SLC35F3: variants seen among roughly 807,000 people sequenced by gnomAD.
SLC35F3 encodes putative thiamine transporter SLC35F3.
SLC35F3 carries 25 observed loss-of-function variants against 49.9 expected under a neutral mutation model. The observed-to-expected ratio is 0.50, with a 90% CI of 0.37 to 0.70. The LOEUF (loss-of-function observed/expected upper bound fraction) is 0.70. SLC35F3 is among the 30% of genes least tolerant of loss of function. The pLI is 0.00. For missense variants in SLC35F3, 525 were observed against 639.8 expected, an observed-to-expected ratio of 0.82 and a Z score of 1.94; for synonymous variants, 275 against 265.4, an observed-to-expected ratio of 1.04 and a Z score of -0.35.
intron 3 of SLC35F3, among the ~76,000 whole-genome samples, chr1:234,276,753 T>C (rs1262671900): frequency 6.6e-6 from 1 of 152,224 alleles, no homozygotes; most frequent in African/African-American, 2.4e-5. Flanking sequence ...GCTTTATAAA[T>C]GGCTTGCAGG....
intron 2 of SLC35F3, among the ~76,000 whole-genome samples, chr1:234,076,326 G>A (rs1664791160): frequency 1.2e-5 from 1 of 83,978 alleles, no homozygotes; most frequent in Non-Finnish European, 3.3e-5. Context: ...AGCTGGGTGT[G>A]GTGGCTCATG....
At chr1:234,067,416 C>CT (rs2102865801) in intron 2 of SLC35F3, among the ~76,000 whole-genome samples, 1 of 152,284 alleles carries the variant, frequency 6.6e-6, no homozygotes, top group African/African-American at 2.4e-5. Flanking sequence ...TCCGTGGTCT[C>CT]TGAGCAAGGG....
intron 3 of SLC35F3, among the ~76,000 whole-genome samples, chr1:234,247,891 G>GTTGTTTGGTGGGTTGGTTGGTTGGTCCA (rs1558272743): frequency 3.4e-4 from 4 of 11,794 alleles, no homozygotes; most frequent in African/African-American, 1.2e-3. Flanking sequence ...TGGCTGGTCC[G>GTTGTTTGGTGGGTTGGTTGGTTGGTCCA]TTGTTTGGTG....
chr1:233,937,238 A>C (rs1482890510), intron 2 of SLC35F3, among the ~76,000 whole-genome samples: 1 of 152,236 alleles, frequency 6.6e-6, no homozygotes, highest in African/African-American at 2.4e-5. Context: ...TCATGTGAGA[A>C]CCTAGATTTT....
intron 5 of SLC35F3, among the ~76,000 whole-genome samples, chr1:234,318,449 G>A (rs1001237092): frequency 6.6e-6 from 1 of 152,162 alleles, no homozygotes; most frequent in African/African-American, 2.4e-5. Context: ...GCGTAATCAT[G>A]GCAGATGTTT....
intron 2 of SLC35F3, among the ~76,000 whole-genome samples, chr1:233,960,822 T>C (rs1474843583): frequency 6.6e-6 from 1 of 152,076 alleles, no homozygotes; most frequent in Non-Finnish European, 1.5e-5. Flanking sequence ...AGCTGTAAGT[T>C]CTTTCGACCT....
At chr1:234,154,090 G>T (rs1355688722) in intron 2 of SLC35F3, among the ~76,000 whole-genome samples, 1 of 151,904 alleles carries the variant, frequency 6.6e-6, no homozygotes, top group Admixed American at 6.6e-5. Flanking sequence ...CAAAAAACTA[G>T]CTGGGTGGGG....
Position 234,214,372 on chromosome 1 carries a change from G to A in SLC35F3, c.284-17045G>A. Reference sequence around the variant, plus strand: ...CAGCCGGGGAGGCCGGGACTGAGAGGGGCGAGCCGCTGGTGCTCCCCGGCG... The same window carrying A: ...CAGCCGGGGAGGCCGGGACTGAGAGAGGCGAGCCGCTGGTGCTCCCCGGCG... On this transcript the variant is annotated intron_variant, in intron 2 of 7. Transcript: ENST00000366618. The surrounding 1 kb of genome is among the most constrained non-coding windows in gnomAD (Gnocchi z 8.0). 7.4e-7 allele frequency: 1 copy of A among 1,355,586 alleles called. No individual in the cohort carries two copies. The highest frequency in any genetic ancestry group is 9.5e-7 in the Non-Finnish European group (1 of 1,054,596). The allele number at this position is 1,355,586 out of a possible 1,614,324, so 84.0% of individuals were successfully genotyped here. A position where few individuals can be genotyped will look rare whatever the true frequency, so the allele number is the denominator to read the frequency against.
intron 2 of SLC35F3, among the ~76,000 whole-genome samples, chr1:233,976,378 C>T (rs545923568): frequency 2.6e-5 from 4 of 152,210 alleles, no homozygotes; most frequent in South Asian, 2.1e-4. Flanking sequence ...TGCAGGCTTA[C>T]GCAAAAGTAG....
At chr1:233,989,293 A>G (rs1433191949) in intron 2 of SLC35F3, among the ~76,000 whole-genome samples, 1 of 152,244 alleles carries the variant, frequency 6.6e-6, no homozygotes, top group East Asian at 1.9e-4. Flanking sequence ...ACTAAGCTTT[A>G]TAATGACAGA....
chr1:233,915,775 A>AAG (rs200598948), intron 2 of SLC35F3, among the ~76,000 whole-genome samples: 1 of 152,082 alleles, frequency 6.6e-6, no homozygotes, highest in South Asian at 2.1e-4. Context: ...GCTGCAGGCA[A>AAG]AGAGAGAGAG....
chr1:234,102,322 T>G (rs1665225901), intron 2 of SLC35F3, among the ~76,000 whole-genome samples: 1 of 152,148 alleles, frequency 6.6e-6, no homozygotes. Context: ...TTGTTTGGAA[T>G]GGTTTTTTGG....
intron 2 of SLC35F3, among the ~76,000 whole-genome samples, chr1:234,032,020 A>G (rs1201614716): frequency 3.3e-5 from 5 of 152,138 alleles, no homozygotes; most frequent in East Asian, 3.8e-4. Flanking sequence ...CCTGAAGGCA[A>G]CCTGTTTTAG....
intron 3 of SLC35F3, among the ~76,000 whole-genome samples, chr1:234,270,815 C>A (rs114345293): frequency 6.6e-6 from 1 of 152,210 alleles, no homozygotes; most frequent in Non-Finnish European, 1.5e-5. Flanking sequence ...GCCTGCCTGA[C>A]GCAGGGCTTG....
chr1:233,951,743 T>C (rs1197089224), intron 2 of SLC35F3, among the ~76,000 whole-genome samples: 1 of 152,096 alleles, frequency 6.6e-6, no homozygotes, highest in Non-Finnish European at 1.5e-5. Flanking sequence ...TGTTTTGTTT[T>C]GTTTTTTTGT....
At chr1:234,223,414 C>A (rs1363472349) in intron 2 of SLC35F3, among the ~76,000 whole-genome samples, 1 of 152,124 alleles carries the variant, frequency 6.6e-6, no homozygotes, top group African/African-American at 2.4e-5. Context: ...CTTTTGTTCA[C>A]CTCCTGATTC....
rs1667369603 is a variant in SLC35F3, at chr1:234,231,430, C to G, written c.297C>G (p.Pro99=). The change falls in exon 3 of 8, where the codon CCC becomes CCG. Residue 99 remains proline (P), a synonymous_variant. Coordinates refer to ENST00000366618, the MANE Select transcript of SLC35F3 (RefSeq NM_173508.4). The surrounding 1 kb of genome is among the most constrained non-coding windows in gnomAD (Gnocchi z 5.4). ...WAASCKREER[P]RDSPGPAEAQ... is the part of the protein sequence containing the mutation. Reference sequence around the variant, plus strand: ...TCTCTTCCCCAGGGGAGGAGCGCCCCCGGGACTCCCCGGGCCCGGCGGAGG... The same window carrying G: ...TCTCTTCCCCAGGGGAGGAGCGCCCGCGGGACTCCCCGGGCCCGGCGGAGG... 1.3e-6 allele frequency: 2 copies of G among 1,576,206 alleles called. No homozygotes were observed. Among genetic ancestry groups the G allele is most frequent in the Non-Finnish European group, 1.7e-6 (2 of 1,163,112 alleles).
chr1:234,122,202 A>G (rs1461527762), intron 2 of SLC35F3, among the ~76,000 whole-genome samples: 1 of 152,184 alleles, frequency 6.6e-6, no homozygotes, highest in Admixed American at 6.5e-5. Context: ...AAAGCTTAAT[A>G]TTGACTTTAA....
chr1:234,303,967 T>C (rs985091681), intron 3 of SLC35F3, among the ~76,000 whole-genome samples: 14 of 152,154 alleles, frequency 9.2e-5, no homozygotes, highest in African/African-American at 3.1e-4. Flanking sequence ...TTTAGTTTGA[T>C]ATTAGACTTT....
Sources: gnomAD v4.1 joint callset for allele counts (sites outside exome capture counted in the v4.1 genomes callset) on GRCh38, gnomAD v4.1.1 for gene constraint, Gnocchi (gnomAD v3.1) non-coding constraint, MANE v1.5 for transcripts, NCBI Gene and HGNC (gene_info 2026-07-23, HGNC 2026-07-21) for gene names.